Variants in LRRK1 observed in about 807,000 individuals in gnomAD.
LRRK1 encodes the protein leucine rich repeat kinase 1, also known as leucine-rich repeat serine/threonine-protein kinase 1.
LRRK1 carries 113 observed loss-of-function variants against 209.1 expected under a neutral mutation model. That is an observed-to-expected ratio of 0.54 (90% CI 0.46 to 0.63). The LOEUF (loss-of-function observed/expected upper bound fraction) is 0.63. Ranked by LOEUF, LRRK1 falls within the 30% of genes least tolerant of loss-of-function variation. The pLI, the probability that LRRK1 is intolerant of heterozygous loss-of-function variation, is 0.00. For missense variants in LRRK1, 2,284 were observed against 2,632.2 expected, an observed-to-expected ratio of 0.87 and a Z score of 2.89; for synonymous variants, 1,144 against 1,099.7, an observed-to-expected ratio of 1.04 and a Z score of -0.80.
At chr15:100,969,144 C>A (rs767235100) in intron 2 of LRRK1, among the ~76,000 whole-genome samples, 5 of 152,276 alleles carry the variant, frequency 3.3e-5, no homozygotes, top group Non-Finnish European at 7.4e-5. Context: ...CCAGCCTGCT[C>A]ATTTTCAATT....
rs1236855356 is a variant in LRRK1 at position 101,022,193 on chromosome 15, G to T, written c.1853-190G>T. The stretch of plus-strand genomic sequence containing the variant: ...CTGGGCAGCAAGGATTTTGTCCATA[G>T]GTTCTTGCCTCTTAGAGTTCGCTTT... On this transcript the variant is annotated intron_variant, in intron 14 of 33. Coordinates refer to ENST00000388948, the MANE Select transcript of LRRK1 (RefSeq NM_024652.6). This position sits in a 1 kb window ranked among gnomAD's most constrained non-coding sequence, Gnocchi z 4.0. 1.5e-6 allele frequency: 1 copy of T among 649,780 alleles called. No individual in the cohort carries two copies. The highest frequency in any genetic ancestry group is 1.8e-5 in the African/African-American group (1 of 54,920). The allele number at this position is 649,780 out of a possible 1,614,324, so 40.3% of individuals were successfully genotyped here. A position where few individuals can be genotyped will look rare whatever the true frequency, so the allele number is the denominator to read the frequency against.
At chr15:100,930,525 G>T (rs1285879466) in intron 2 of LRRK1, among the ~76,000 whole-genome samples, 1 of 152,126 alleles carries the variant, frequency 6.6e-6, no homozygotes, top group Non-Finnish European at 1.5e-5. Flanking sequence ...CCCCTCCCTG[G>T]CCTCCCCCAC....
chr15:101,039,484 C>T (rs1227609725), intron 20 of LRRK1, among the ~76,000 whole-genome samples: 1 of 152,270 alleles, frequency 6.6e-6, no homozygotes, highest in East Asian at 1.9e-4. Context: ...CACCTATTAG[C>T]TCCAGTAGAT....
intron 27 of LRRK1, 78 bp from the exon 28 acceptor site, chr15:101,056,778 G>C: frequency 8.8e-7 from 1 of 1,131,630 alleles, no homozygotes. Flanking sequence ...GTGTCTCCCT[G>C]GTCCCTCCAC....
intron 2 of LRRK1, among the ~76,000 whole-genome samples, chr15:100,957,756 G>A (rs956710124): frequency 6.6e-6 from 1 of 152,210 alleles, no homozygotes; most frequent in Non-Finnish European, 1.5e-5. Flanking sequence ...TTCAGCTACT[G>A]TGTGTCTTTT....
At chr15:100,948,247 G>A (rs978187682) in intron 2 of LRRK1, among the ~76,000 whole-genome samples, 1 of 152,118 alleles carries the variant, frequency 6.6e-6, no homozygotes, top group African/African-American at 2.4e-5. Flanking sequence ...TCAGCCCCTC[G>A]GCACCCCTTC....
intron 2 of LRRK1, among the ~76,000 whole-genome samples, chr15:100,966,315 A>C (rs2030454359): frequency 6.6e-6 from 1 of 152,178 alleles, no homozygotes; most frequent in Non-Finnish European, 1.5e-5. Context: ...GGCGGTGAGG[A>C]GGGGCTTTTG....
Position 101,065,339 on chromosome 15 carries a change from CTCCT to C in LRRK1, c.4915-6_4915-3del. 6.2e-7 allele frequency: 1 copy of C among 1,609,126 alleles called. No individual in the cohort carries two copies. The highest frequency in any genetic ancestry group is 1.1e-5 in the South Asian group (1 of 90,922). ...ATGGAAGGATGTGACACATCCCTGT[CTCCT>C]TCCTTCAGAATTCCTACCTGGTCTT... On this transcript the variant is annotated splice_polypyrimidine_tract_variant and intron_variant, in intron 31 of 33. Coordinates refer to ENST00000388948, the MANE Select transcript of LRRK1 (RefSeq NM_024652.6).
chr15:101,028,206 C>T (rs1052312602), intron 19 of LRRK1, among the ~76,000 whole-genome samples: 5 of 152,346 alleles, frequency 3.3e-5, no homozygotes, highest in East Asian at 3.9e-4. Flanking sequence ...TGGGCTCCTG[C>T]GAGCCTCTGG....
chr15:101,021,683 G>A, intron 13 of LRRK1, 162 bp from the exon 14 acceptor site: 1 of 587,724 alleles, frequency 1.7e-6, no homozygotes, highest in Non-Finnish European at 3.0e-6. Flanking sequence ...TGATCCTCCA[G>A]GAGAAAGCCT....
In LRRK1 at chr15:101,065,392, T is replaced by C; in HGVS notation, c.4955T>C (p.Val1652Ala). The C allele has an allele frequency of 6.2e-7, 1 of 1,614,136 alleles. No individual in the cohort carries two copies. The highest frequency in any genetic ancestry group is 8.5e-7 in the Non-Finnish European group (1 of 1,180,038). The part of the protein sequence containing the change: ...LVLAGLADGL[V>A]AVFPVVRGTP... ...TTAGCGGGCCTCGCCGATGGGCTTG[T>C]GGCTGTGTTTCCCGTGGTGCGGGGC... The change falls in exon 32 of 34, where the codon GTG (valine) becomes GCG (alanine). Residue 1652 changes from valine (V) to alanine (A), a missense_variant. Val to Ala is a moderately conservative substitution (Grantham distance 64, BLOSUM62 0). Around this residue, in one of 6 missense-constraint regions of LRRK1, gnomAD observed 643 missense variants for 695.9 expected, o/e 0.92. Coordinates refer to ENST00000388948, the MANE Select transcript of LRRK1 (RefSeq NM_024652.6).
In LRRK1 at chr15:101,026,093, C is replaced by T. The variant is rs556604108; in HGVS notation, c.2361C>T (p.Gly787=). Residue 787 remains glycine, a synonymous_variant, in exon 17 of 34, where the codon GGC becomes GGT. Transcript: ENST00000388948. ...TGGCACTCTGCCGCTCCCCCTCCGG[C>T]TCCAGGGCCACAGGCTTCCCAGACA... ...YVLALCRSPS[G]SRATGFPDIT... 3.1e-5 allele frequency: 50 copies of T among 1,614,274 alleles called. 1 individual carries two copies. The Admixed American group carries it at 8.2e-4, about 26-fold the overall frequency.
chr15:101,066,948 T>C (rs919323538), intron 33 of LRRK1, among the ~76,000 whole-genome samples: 17 of 152,246 alleles, frequency 1.1e-4, no homozygotes, highest in African/African-American at 4.1e-4. Flanking sequence ...TGCCTGTTTC[T>C]GGAGTACCCA....
intron 2 of LRRK1, among the ~76,000 whole-genome samples, chr15:100,950,869 C>T (rs542410558): frequency 8.5e-5 from 13 of 152,228 alleles, no homozygotes; most frequent in South Asian, 2.1e-4. Context: ...TTTGGGAGGC[C>T]AAGGCGGGCA....
At chr15:100,940,834 A>G (rs1187561529) in intron 2 of LRRK1, among the ~76,000 whole-genome samples, 12 of 152,234 alleles carry the variant, frequency 7.9e-5, no homozygotes, top group Admixed American at 7.8e-4. Context: ...TGAATCAGGA[A>G]AGCCCAAAGC....
In LRRK1 at chr15:100,950,879, A is replaced by G. The variant is rs369159471; in HGVS notation, c.98-22925A>G. On this transcript the variant is annotated intron_variant, in intron 2 of 33. Coordinates refer to ENST00000388948, the MANE Select transcript of LRRK1 (RefSeq NM_024652.6). ...AGCACTTTGGGAGGCCAAGGCGGGC[A>G]GATCACGAGGTCAGGAGATCGAGAC... Among the ~76,000 whole-genome samples the G allele has an allele frequency of 3.6e-3, 542 of 152,262 alleles. 3 individuals are homozygous for G. The highest frequency in any genetic ancestry group is 0.016 in the South Asian group (76 of 4,830).
chr15:101,070,577 C>A lies in LRRK1; in HGVS notation c.*1729C>A, dbSNP rs1176966104. 1 of 152,090 alleles carries A rather than the reference C, an allele frequency of 6.6e-6. No homozygotes were observed. Among genetic ancestry groups the A allele is most frequent in the Non-Finnish European group, 1.5e-5 (1 of 68,064 alleles). The allele number at this position is 152,090 out of a possible 1,614,324, so 9.4% of individuals were successfully genotyped here. ...AGGCTGCTTTGCAGGCACCAAAATT[C>A]ACCCTCTCCTACTCCTGGAAAAGCC... On this transcript the variant is annotated 3_prime_UTR_variant, in exon 34 of 34. Transcript: ENST00000388948.
intron 1 of LRRK1, 83 bp from the exon 2 acceptor site, chr15:100,924,428 C>G (rs12148493): frequency 0.074 from 42,191 of 572,586 alleles, 2,097 homozygotes; most frequent in Non-Finnish European, 0.1. Flanking sequence ...AGAGGGAAAA[C>G]TAAATGAACC....
intron 20 of LRRK1, among the ~76,000 whole-genome samples, chr15:101,040,638 A>G (rs369609902): frequency 3.3e-5 from 5 of 152,198 alleles, no homozygotes; most frequent in South Asian, 2.1e-4. Flanking sequence ...CCTATTTTCT[A>G]TGTAAGCATT....
Sources: allele counts gnomAD v4.1 joint callset (sites outside exome capture counted in the v4.1 genomes callset), GRCh38; gene constraint gnomAD v4.1.1; regional missense constraint gnomAD v4.1.1; non-coding constraint Gnocchi (gnomAD v3.1); transcripts MANE v1.5; gene names NCBI Gene and HGNC (gene_info 2026-07-23, HGNC 2026-07-21).